The following CHIC1 variants were observed in gnomAD, a reference collection of about 807,000 sequenced individuals.
CHIC1 encodes cysteine-rich hydrophobic domain-containing protein 1.
Under a neutral mutation model 18.5 loss-of-function variants are expected in CHIC1, and 7 were observed. The observed-to-expected ratio is 0.38, with a 90% CI of 0.22 to 0.71. The LOEUF (loss-of-function observed/expected upper bound fraction) is 0.71, where lower values mean the gene tolerates loss of function less well. Ranked by LOEUF, CHIC1 falls within the 30% of genes least tolerant of loss-of-function variation. The pLI is 0.49. For synonymous variants in CHIC1, 77 were observed against 73.5 expected (o/e 1.05, Z -0.25); for missense variants, 159 against 176.9 (o/e 0.90, Z 0.57).
chrX:73,599,553 C>A (rs1465534834), intron 3 of CHIC1, among the ~76,000 whole-genome samples: 1 of 105,223 alleles, frequency 9.5e-6, no homozygotes, highest in Non-Finnish European at 1.9e-5. Context: ...CTACATCTGG[C>A]TAGCCAGTTT....
intron 1 of CHIC1, among the ~76,000 whole-genome samples, chrX:73,565,162 A>G (rs1400654768): frequency 1.8e-5 from 2 of 110,767 alleles, no homozygotes; most frequent in African/African-American, 6.6e-5. Context: ...TCCTTTTGTC[A>G]CTAGGGAGAC....
intron 3 of CHIC1, among the ~76,000 whole-genome samples, chrX:73,670,034 G>A (rs962059579): frequency 1.2e-4 from 13 of 111,690 alleles, no homozygotes; most frequent in African/African-American, 2.6e-4. Flanking sequence ...GCTCTGTGTC[G>A]GACCCAAGAC....
rs2057870026 is a variant in CHIC1, at chrX:73,643,498, G to C, written c.508-35828G>C. Among the ~76,000 whole-genome samples, 3 of 111,781 alleles carry C rather than the reference G, an allele frequency of 2.7e-5. No homozygotes were observed. In the Admixed American group the frequency reaches 2.8e-4, roughly 11 times the overall value. On this transcript the variant is annotated intron_variant, in intron 3 of 5. Transcript: ENST00000373502. ...GGTTCCATTCTCCCCGTCACTTTCA[G>C]ATACACCAATCAGACGTAGATTTGG...
At position 73,684,672 on chromosome X, in the gene CHIC1, G is replaced by T. The variant is rs2058113852; in HGVS notation, c.*3667G>T. The T allele has an allele frequency of 1.8e-5, 2 of 111,143 alleles. No individual in the cohort carries two copies. Among genetic ancestry groups the T allele is most frequent in the South Asian group, 7.4e-4 (2 of 2,702 alleles). 9.2% of individuals were successfully genotyped at this position (111,143 alleles called of 1,213,427 possible). On this transcript the variant is annotated 3_prime_UTR_variant, in exon 6 of 6. Transcript: ENST00000373502. ...AAATTTATTGAAATTAGATTCTCAT[G>T]CCTATAAAAGTATACTTTAAAAATA...
At chrX:73,572,193 T>C (rs1308893243) in intron 1 of CHIC1, among the ~76,000 whole-genome samples, 1 of 111,356 alleles carries the variant, frequency 9.0e-6, no homozygotes. Context: ...CTCCCACTTA[T>C]AAGTGAGAAC....
intron 1 of CHIC1, among the ~76,000 whole-genome samples, chrX:73,572,240 C>G (rs866086594): frequency 3.6e-5 from 4 of 111,164 alleles, no homozygotes; most frequent in Middle Eastern, 4.6e-3. Context: ...TGTGTTAATT[C>G]ATTTAGAATA....
In CHIC1 at chrX:73,683,698, A is replaced by G. The variant is rs899881198; in HGVS notation, c.*2693A>G. On this transcript the variant is annotated 3_prime_UTR_variant, in exon 6 of 6. Coordinates refer to ENST00000373502, the MANE Select transcript of CHIC1 (RefSeq NM_001039840.4). The stretch of plus-strand genomic sequence containing the variant: ...GTATTTGCCAAAGTATATAAATCTC[A>G]CAAGGCTTTAAGATTACAAGCTAAA... 8.9e-6 allele frequency: 1 copy of G among 111,936 alleles called. No individual in the cohort carries two copies. Among genetic ancestry groups the G allele is most frequent in the Non-Finnish European group, 1.9e-5 (1 of 52,938 alleles). 9.2% of individuals were successfully genotyped at this position (111,936 alleles called of 1,213,427 possible).
At chrX:73,605,040 G>A (rs1329064375) in intron 3 of CHIC1, among the ~76,000 whole-genome samples, 1 of 108,058 alleles carries the variant, frequency 9.3e-6, no homozygotes, top group Non-Finnish European at 1.9e-5. Flanking sequence ...CTGAGTTCAA[G>A]TCTTGAATAT....
intron 5 of CHIC1, 100 bp from the exon 6 acceptor site, chrX:73,680,855 A>C: frequency 2.2e-6 from 1 of 448,638 alleles, no homozygotes; most frequent in Non-Finnish European, 3.7e-6. Flanking sequence ...CAGGATTGAA[A>C]TATTGTCCTA....
At position 73,685,646 on chromosome X, in the gene CHIC1, A is replaced by G. The variant is rs978561192; in HGVS notation, c.*4641A>G. The G allele has an allele frequency of 5.4e-5, 6 of 111,440 alleles. No individual in the cohort carries two copies. Among genetic ancestry groups the G allele is most frequent in the South Asian group, 3.8e-4 (1 of 2,665 alleles). 9.2% of individuals were successfully genotyped at this position (111,440 alleles called of 1,213,427 possible). On this transcript the variant is annotated 3_prime_UTR_variant, in exon 6 of 6. Coordinates refer to ENST00000373502, the MANE Select transcript of CHIC1 (RefSeq NM_001039840.4). ...GGGGACAATAATCTGGACCTACCTC[A>G]CAGGGGAATTGAGGATATTTTCATA...
At chrX:73,598,142 G>A (rs1030867299) in intron 3 of CHIC1, among the ~76,000 whole-genome samples, 1 of 110,614 alleles carries the variant, frequency 9.0e-6, no homozygotes. Context: ...GCCCAGTAAT[G>A]GGATCGCTGG....
At position 73,597,303 on chromosome X, in the gene CHIC1, G is replaced by T. The variant is rs769987071; in HGVS notation, c.507+12731G>T. On this transcript the variant is annotated intron_variant, in intron 3 of 5. Transcript: ENST00000373502. ...GTATGTCTTTTTTGAAGAGATGTCT[G>T]TTTACATCCTTTGTCCATTTTCTCT... 1.4e-4 allele frequency among the ~76,000 whole-genome samples: 15 copies of T among 110,896 alleles called. No individual in the cohort carries two copies. In the South Asian group the frequency reaches 4.6e-3, roughly 34 times the overall value.
intron 3 of CHIC1, among the ~76,000 whole-genome samples, chrX:73,600,690 G>C (rs2057641931): frequency 9.3e-6 from 1 of 107,345 alleles, no homozygotes; most frequent in South Asian, 3.9e-4. Flanking sequence ...AAGCCCACTT[G>C]ATCATGGTCG....
intron 3 of CHIC1, among the ~76,000 whole-genome samples, chrX:73,650,148 G>A (rs1178814997): frequency 8.9e-6 from 1 of 112,008 alleles, no homozygotes; most frequent in Non-Finnish European, 1.9e-5. Context: ...AGAACAATGA[G>A]ACAACGTACC....
intron 2 of CHIC1, 68 bp downstream of exon 2, chrX:73,577,529 A>G (rs1158786377): frequency 2.4e-6 from 2 of 824,632 alleles, no homozygotes; most frequent in Non-Finnish European, 3.6e-6. Flanking sequence ...CATTGTTATG[A>G]CAAATGCTTT....
intron 3 of CHIC1, among the ~76,000 whole-genome samples, chrX:73,631,376 C>G (rs1255671945): frequency 9.0e-6 from 1 of 110,671 alleles, no homozygotes; most frequent in Non-Finnish European, 1.9e-5. Flanking sequence ...CCTGTAATCT[C>G]AACACTTTGG....
At chrX:73,655,502 A>AGTG (rs2057941653) in intron 3 of CHIC1, among the ~76,000 whole-genome samples, 7 of 84,037 alleles carry the variant, frequency 8.3e-5, no homozygotes, top group African/African-American at 2.3e-4. Context: ...GTGTATATAT[A>AGTG]TATACATATA....
intron 3 of CHIC1, among the ~76,000 whole-genome samples, chrX:73,619,006 C>T (rs761999779): frequency 1.8e-5 from 2 of 111,793 alleles, no homozygotes; most frequent in Non-Finnish European, 3.8e-5. Context: ...GCATTTTGCT[C>T]GGCTCTCTAA....
At chrX:73,564,758 C>G (rs887216063) in intron 1 of CHIC1, among the ~76,000 whole-genome samples, 3 of 106,812 alleles carry the variant, frequency 2.8e-5, no homozygotes, top group African/African-American at 1.0e-4. Flanking sequence ...TATGCTACCT[C>G]CCTTATATTA....
Sources: allele counts gnomAD v4.1 joint callset (sites outside exome capture counted in the v4.1 genomes callset), GRCh38; gene constraint gnomAD v4.1.1; transcripts MANE v1.5; gene names NCBI Gene and HGNC (gene_info 2026-07-23, HGNC 2026-07-21).